The following H2AZ1 variants were observed in gnomAD, a reference collection of about 807,000 sequenced individuals.
H2AZ1 encodes histone H2A.Z.
A neutral mutation model predicts 16.6 loss-of-function variants in H2AZ1; 3 were observed. The ratio of observed to expected loss-of-function variants is 0.18; its 90% CI spans 0.08 to 0.47. The LOEUF is 0.47. Ranked by LOEUF, H2AZ1 falls within the 20% of genes least tolerant of loss-of-function variation. The pLI is 0.98. For missense variants in H2AZ1, 27 were observed against 163.6 expected, an observed-to-expected ratio of 0.17 and a Z score of 4.55; for synonymous variants, 78 against 60.7, an observed-to-expected ratio of 1.28 and a Z score of -1.32.
chr4:99,949,234 C>G (rs1300900008), intron 3 of H2AZ1, 39 bp downstream of exon 3: 2 of 1,276,322 alleles, frequency 1.6e-6, no homozygotes, highest in Non-Finnish European at 2.3e-6. Context: ...CTCCCCGCCC[C>G]CCAAACCTTC....
intron 2 of H2AZ1, 106 bp downstream of exon 2, chr4:99,949,557 G>A: frequency 8.7e-7 from 1 of 1,150,806 alleles, no homozygotes; most frequent in Non-Finnish European, 1.3e-6. Flanking sequence ...TCGCGACACC[G>A]CATCACCCAC....
At chr4:99,949,508 G>A in intron 2 of H2AZ1, 122 bp from the exon 3 acceptor site, 1 of 977,544 alleles carries the variant, frequency 1.0e-6, no homozygotes. Context: ...CGAAACACGT[G>A]ATTCCTCCCC....
chr4:99,949,530 C>T (rs1176783097), intron 2 of H2AZ1, 133 bp downstream of exon 2: 1 of 1,014,908 alleles, frequency 9.9e-7, no homozygotes, highest in Admixed American at 1.7e-5. Context: ...CCATATTTAT[C>T]GTATGGGCAG....
In H2AZ1 at chr4:99,948,507, G is replaced by T; in HGVS notation, c.342C>A (p.Ile114=). The part of the protein sequence containing the change: ...TIAGGGVIPH[I]HKSLIGKKGQ... ...CTTTCTTCCCAATCAGAGATTTGTGGATGTGTGGAATGACACCTAGGAGAG... is the reference window on the plus strand; with the variant it reads ...CTTTCTTCCCAATCAGAGATTTGTGTATGTGTGGAATGACACCTAGGAGAG... Residue 114 remains isoleucine, a synonymous_variant, in exon 5 of 5, where the codon ATC becomes ATA. Transcript: ENST00000296417. The T allele has an allele frequency of 1.2e-6, 2 of 1,609,300 alleles. No homozygotes were observed. The highest frequency in any genetic ancestry group is 1.7e-6 in the Non-Finnish European group (2 of 1,176,040).
In H2AZ1 at chr4:99,950,203, C is replaced by A. The variant is rs560995494; in HGVS notation, c.-33G>T. 4.4e-5 allele frequency: 70 copies of A among 1,605,062 alleles called. 1 individual carries two copies. In the South Asian group the frequency reaches 7.2e-4, roughly 17 times the overall value. On this transcript the variant is annotated 5_prime_UTR_variant, in exon 1 of 5. Transcript: ENST00000296417. ...TCCGCTGAAGCTCAAGCAAGCAAGG[C>A]AGAGAAAAGGCTAATCGGACCCACG...
rs1249986558 is a variant in H2AZ1 at position 99,948,632 on chromosome 4, G to A, written c.326-109C>T. On this transcript the variant is annotated intron_variant, in intron 4 of 4. Coordinates refer to ENST00000296417, the MANE Select transcript of H2AZ1 (RefSeq NM_002106.4). ...ACTTGAAAGGTATCTTTAAAAACAT[G>A]CAGCTCAAGTATGAAGTAAAAATTC... The A allele has an allele frequency of 2.0e-6, 3 of 1,516,134 alleles. No individual in the cohort carries two copies. In the African/African-American group the frequency reaches 4.2e-5, roughly 21 times the overall value. The allele number at this position is 1,516,134 out of a possible 1,614,324, so 93.9% of individuals were successfully genotyped here. A position where few individuals can be genotyped will look rare whatever the true frequency, so the allele number is the denominator to read the frequency against.
chr4:99,949,495 C>T (rs1360085397), intron 2 of H2AZ1, 109 bp from the exon 3 acceptor site: 6 of 978,708 alleles, frequency 6.1e-6, no homozygotes, highest in Non-Finnish European at 9.9e-6. Flanking sequence ...CGCGTCCCGA[C>T]ATCGAAACAC....
intron 1 of H2AZ1, 21 bp downstream of exon 1, chr4:99,950,147 G>C (rs1201139376): frequency 6.2e-7 from 1 of 1,607,900 alleles, no homozygotes; most frequent in Non-Finnish European, 8.5e-7. Context: ...CGGAGTCATC[G>C]AGCGTCTCTG....
At chr4:99,949,111 G>C in intron 3 of H2AZ1, 162 bp downstream of exon 3, 1 of 667,114 alleles carries the variant, frequency 1.5e-6, no homozygotes. Context: ...GAGAACTCAA[G>C]CTCAGTAGGA....
chr4:99,949,142 C>CCT (rs1727209060), intron 3 of H2AZ1, 131 bp downstream of exon 3: 2 of 662,486 alleles, frequency 3.0e-6, no homozygotes, highest in Admixed American at 5.6e-5. Context: ...ACACCAGCTC[C>CCT]CTCTAGCGTT....
Position 99,950,243 on chromosome 4 carries a change from CCTACTCCTTCGTCGCA to C in H2AZ1, c.-89_-74del. The stretch of plus-strand genomic sequence containing the variant: ...TCGGACCCACGGTGAGATCCCACCA[CCTACTCCTTCGTCGCA>C]CCGCGATTCAAACTGCGCTGTCTCC... On this transcript the variant is annotated 5_prime_UTR_variant, in exon 1 of 5. Coordinates refer to ENST00000296417, the MANE Select transcript of H2AZ1 (RefSeq NM_002106.4). The C allele has an allele frequency of 2.1e-6, 3 of 1,431,696 alleles. No homozygotes were observed. Among genetic ancestry groups the C allele is most frequent in the Non-Finnish European group, 2.9e-6 (3 of 1,026,046 alleles). The allele number at this position is 1,431,696 out of a possible 1,614,324, so 88.7% of individuals were successfully genotyped here. A position where few individuals can be genotyped will look rare whatever the true frequency, so the allele number is the denominator to read the frequency against.
In H2AZ1 at chr4:99,948,942, T is replaced by A; in HGVS notation, c.196-2A>T. ...TGCATTTCCTGCCAGTTCAAGTACC[T>A]AAAAGGCAGAATCTGTCAGTTGCCT... On this transcript the variant is annotated splice_acceptor_variant, in intron 3 of 4. Transcript: ENST00000296417. LOFTEE classifies it high-confidence loss of function. 1 of 1,555,606 alleles carries A rather than the reference T, an allele frequency of 6.4e-7. No homozygotes were observed.
At chr4:99,950,064 C>G in intron 1 of H2AZ1, 104 bp downstream of exon 1, 1 of 1,101,376 alleles carries the variant, frequency 9.1e-7, no homozygotes, top group South Asian at 1.3e-5. Flanking sequence ...CCTGTCTCCG[C>G]GCGTTCCCAA....
rs1727226814 is a variant in H2AZ1, at chr4:99,949,535, G to A, written c.81+128C>T. On this transcript the variant is annotated intron_variant, in intron 2 of 4. Coordinates refer to ENST00000296417, the MANE Select transcript of H2AZ1 (RefSeq NM_002106.4). ...TTCCTCCCCCCCATATTTATCGTAT[G>A]GGCAGCCCAAGTCGCGACACCGCAT... 2.9e-6 allele frequency: 3 copies of A among 1,031,766 alleles called. No individual in the cohort carries two copies. In the East Asian group the frequency reaches 7.1e-5, roughly 24 times the overall value. The allele number at this position is 1,031,766 out of a possible 1,614,324, so 63.9% of individuals were successfully genotyped here.
At chr4:99,949,184 G>A (rs925832673) in intron 3 of H2AZ1, 89 bp downstream of exon 3, 75 of 781,768 alleles carry the variant, frequency 9.6e-5, no homozygotes, top group Non-Finnish European at 1.2e-4. Context: ...TCAGGGCCTG[G>A]GAGTTTTCTT....
rs1385322950 is a variant in H2AZ1 at position 99,950,189 on chromosome 4, TCAAG to T, written c.-23_-20del. The T allele has an allele frequency of 1.2e-6, 2 of 1,607,642 alleles. No homozygotes were observed. The highest frequency in any genetic ancestry group is 1.7e-6 in the Non-Finnish European group (2 of 1,176,964). ...TTACCATTTCGAATTCCGCTGAAGC[TCAAG>T]CAAGCAAGGCAGAGAAAAGGCTAAT... On this transcript the variant is annotated 5_prime_UTR_variant, in exon 1 of 5. Coordinates refer to ENST00000296417, the MANE Select transcript of H2AZ1 (RefSeq NM_002106.4).
At chr4:99,949,617 C>T (rs1431029337) in intron 2 of H2AZ1, 46 bp downstream of exon 2, 2 of 1,555,780 alleles carry the variant, frequency 1.3e-6, no homozygotes, top group Non-Finnish European at 1.8e-6. Flanking sequence ...AAAGGAAATG[C>T]AAAGAAAAAC....
At chr4:99,949,038 A>G in intron 3 of H2AZ1, 98 bp from the exon 4 acceptor site, 1 of 793,658 alleles carries the variant, frequency 1.3e-6, no homozygotes, top group Non-Finnish European at 2.2e-6. Flanking sequence ...ACCAACTGGA[A>G]TCGTTCCTCA....
In H2AZ1 at chr4:99,949,402, T is replaced by C. The variant is rs745408684; in HGVS notation, c.82-16A>G. On this transcript the variant is annotated splice_polypyrimidine_tract_variant and intron_variant, in intron 2 of 4. Coordinates refer to ENST00000296417, the MANE Select transcript of H2AZ1 (RefSeq NM_002106.4). ...CCACTGGGAACTTAAATTTTAAGCA[T>C]ACACAAACATAAATGCACAAAAATG... 3.4e-6 allele frequency: 5 copies of C among 1,458,536 alleles called. No homozygotes were observed. The highest frequency in any genetic ancestry group is 3.9e-6 in the Non-Finnish European group (4 of 1,038,366). 90.3% of individuals were successfully genotyped at this position (1,458,536 alleles called of 1,614,324 possible).
Sources: gnomAD v4.1 joint callset for allele counts on GRCh38, gnomAD v4.1.1 for gene constraint, MANE v1.5 for transcripts, NCBI Gene and HGNC (gene_info 2026-07-23, HGNC 2026-07-21) for gene names.